RBM47: variants seen among roughly 807,000 people sequenced by gnomAD.
RBM47 encodes the protein RNA binding motif protein 47.
Under a neutral mutation model 47.1 loss-of-function variants are expected in RBM47, and 21 were observed. The ratio of observed to expected loss-of-function variants is 0.45; its 90% CI spans 0.32 to 0.64. RBM47 has a LOEUF of 0.64. Ranked by LOEUF, RBM47 falls within the 30% of genes least tolerant of loss-of-function variation. The probability of loss-of-function intolerance (pLI) is 0.05; values close to 1 mark genes in which losing one functional copy is unlikely to be tolerated. For missense variants in RBM47, 708 were observed against 870.9 expected, an observed-to-expected ratio of 0.81 and a Z score of 2.35; for synonymous variants, 375 against 361.7, an observed-to-expected ratio of 1.04 and a Z score of -0.42.
chr4:40,618,534 G>A, intron 1 of RBM47, among the ~76,000 whole-genome samples: 1 of 152,214 alleles, frequency 6.6e-6, no homozygotes, highest in South Asian at 2.1e-4. Context: ...CTTCTAGCTG[G>A]GGGTAGTGGC....
intron 2 of RBM47, among the ~76,000 whole-genome samples, chr4:40,530,086 C>A (rs1411632950): frequency 2.0e-5 from 3 of 149,570 alleles, no homozygotes; most frequent in African/African-American, 7.4e-5. Flanking sequence ...CAGGCGTGTG[C>A]CACCACACCT....
chr4:40,580,371 G>A (rs1732767275), intron 1 of RBM47, among the ~76,000 whole-genome samples: 3 of 152,030 alleles, frequency 2.0e-5, no homozygotes. Flanking sequence ...CTCCTCATTT[G>A]GAACCTAAAA....
At chr4:40,514,189 T>C (rs909054183) in intron 2 of RBM47, among the ~76,000 whole-genome samples, 4 of 152,104 alleles carry the variant, frequency 2.6e-5, no homozygotes, top group African/African-American at 9.7e-5. Context: ...AGGTTACACA[T>C]TGCCTCCCAG....
intron 1 of RBM47, among the ~76,000 whole-genome samples, chr4:40,597,191 C>T (rs748818133): frequency 2.6e-5 from 4 of 151,890 alleles, no homozygotes; most frequent in East Asian, 1.9e-4. Context: ...ACCCAGGAGG[C>T]GGAGGTTGCA....
intron 2 of RBM47, among the ~76,000 whole-genome samples, chr4:40,484,636 C>G (rs1163535759): frequency 2.0e-5 from 3 of 152,196 alleles, no homozygotes; most frequent in South Asian, 4.1e-4. Flanking sequence ...TGACAAATCA[C>G]TGCATAATTT....
At chr4:40,504,339 A>G (rs1723803487) in intron 2 of RBM47, among the ~76,000 whole-genome samples, 1 of 138,866 alleles carries the variant, frequency 7.2e-6, no homozygotes, top group Non-Finnish European at 1.5e-5. Flanking sequence ...CACCCAGTCT[A>G]GAGTGCAGTA....
chr4:40,591,042 A>T (rs890813109), intron 1 of RBM47, among the ~76,000 whole-genome samples: 8 of 152,134 alleles, frequency 5.3e-5, no homozygotes, highest in African/African-American at 1.9e-4. Flanking sequence ...ACCTCAGGTG[A>T]TCCACCTGCC....
Position 40,599,877 on chromosome 4 carries a change from A to G in RBM47, c.-240+29519T>C, listed in dbSNP as rs376189968. 5.9e-5 allele frequency among the ~76,000 whole-genome samples: 9 copies of G among 152,326 alleles called. No homozygotes were observed. In the East Asian group the frequency reaches 1.5e-3, roughly 26 times the overall value. On this transcript the variant is annotated intron_variant, in intron 1 of 6. Transcript: ENST00000295971. ...CCAAATCATGAGATAGTAGGCACTC[A>G]GTGAATATAGGGTGGTTTGTTGTAC... is the stretch of plus-strand genomic sequence containing the variant.
chr4:40,627,639 C>A (rs997550022), intron 1 of RBM47, among the ~76,000 whole-genome samples: 5 of 152,186 alleles, frequency 3.3e-5, no homozygotes, highest in African/African-American at 1.2e-4. Flanking sequence ...TTTAAAAAAT[C>A]ATTACCTAGA....
At chr4:40,594,831 T>C (rs1171893306) in intron 1 of RBM47, among the ~76,000 whole-genome samples, 1 of 152,198 alleles carries the variant, frequency 6.6e-6, no homozygotes, top group African/African-American at 2.4e-5. Context: ...TCTACCTTGA[T>C]TTTTTACCTA....
chr4:40,554,146 C>T (rs980646000), intron 1 of RBM47, among the ~76,000 whole-genome samples: 4 of 152,126 alleles, frequency 2.6e-5, no homozygotes, highest in African/African-American at 7.2e-5. Context: ...GCCCAGGGAA[C>T]GAATGCTCTC....
intron 1 of RBM47, among the ~76,000 whole-genome samples, chr4:40,616,967 C>T (rs1438491307): frequency 6.6e-6 from 1 of 150,554 alleles, no homozygotes; most frequent in Non-Finnish European, 1.5e-5. Context: ...CCTCCGCCTC[C>T]CAGATTCAAG....
chr4:40,605,060 T>A (rs1460232006), intron 1 of RBM47, among the ~76,000 whole-genome samples: 1 of 151,966 alleles, frequency 6.6e-6, no homozygotes, highest in Non-Finnish European at 1.5e-5. Flanking sequence ...TTCGCTCTTG[T>A]TGCCCCGACG....
chr4:40,479,716 T>C (rs1720114465), intron 2 of RBM47, among the ~76,000 whole-genome samples: 1 of 152,152 alleles, frequency 6.6e-6, no homozygotes, highest in Admixed American at 6.5e-5. Context: ...TTGCTCAGGC[T>C]GGTCTAGAAC....
At chr4:40,581,353 C>T (rs1732899447) in intron 1 of RBM47, among the ~76,000 whole-genome samples, 1 of 151,608 alleles carries the variant, frequency 6.6e-6, no homozygotes, top group African/African-American at 2.4e-5. Context: ...GTCCGGGAAG[C>T]AGCGGTTGCA....
intron 2 of RBM47, among the ~76,000 whole-genome samples, chr4:40,467,972 G>A (rs182323327): frequency 3.3e-5 from 5 of 152,164 alleles, no homozygotes; most frequent in African/African-American, 1.2e-4. Flanking sequence ...CTGAGCCAAA[G>A]TTTACTCCCA....
intron 2 of RBM47, among the ~76,000 whole-genome samples, chr4:40,497,717 C>A (rs1577801204): frequency 6.6e-6 from 1 of 150,858 alleles, no homozygotes; most frequent in East Asian, 2.0e-4. Flanking sequence ...CTCTTGCTTG[C>A]AGTCCCAGTA....
At chr4:40,511,453 T>C (rs1456319562) in intron 2 of RBM47, among the ~76,000 whole-genome samples, 1 of 152,200 alleles carries the variant, frequency 6.6e-6, no homozygotes, top group Non-Finnish European at 1.5e-5. Context: ...ATATGCCTAA[T>C]ACAGCCAACC....
At chr4:40,479,541 C>T (rs1283737353) in intron 2 of RBM47, among the ~76,000 whole-genome samples, 1 of 151,992 alleles carries the variant, frequency 6.6e-6, no homozygotes, top group Non-Finnish European at 1.5e-5. Context: ...CTGCAGTGAG[C>T]CATGACTGCA....
Sources: allele counts gnomAD v4.1 joint callset (sites outside exome capture counted in the v4.1 genomes callset), GRCh38; gene constraint gnomAD v4.1.1; transcripts MANE v1.5; gene names NCBI Gene and HGNC (gene_info 2026-07-23, HGNC 2026-07-21).